The following WWP1 variants were observed in gnomAD, a reference collection of about 807,000 sequenced individuals.
WWP1 encodes the protein WW domain containing E3 ubiquitin protein ligase 1, also known as NEDD4-like E3 ubiquitin-protein ligase WWP1.
Under a neutral mutation model 130.6 loss-of-function variants are expected in WWP1, and 49 were observed. That is an observed-to-expected ratio of 0.38 (90% confidence interval 0.30 to 0.48). WWP1 has a LOEUF of 0.48. Ranked by LOEUF, WWP1 falls within the 20% of genes least tolerant of loss-of-function variation. The pLI, the probability that WWP1 is intolerant of heterozygous loss-of-function variation, is 0.99. For missense variants in WWP1, 809 were observed against 1,100.6 expected, an observed-to-expected ratio of 0.74 and a Z score of 3.75; for synonymous variants, 332 against 367.8, an observed-to-expected ratio of 0.90 and a Z score of 1.11.
chr8:86,467,003 C>T lies in WWP1; in HGVS notation c.*110C>T. ...ATTCTGTACAGTGAATTTTCCGAAC[C>T]TCTCAAAGTATGTTTTCCGTTCTTC... On this transcript the variant is annotated 3_prime_UTR_variant, in exon 25 of 25. Coordinates refer to ENST00000517970, the MANE Select transcript of WWP1 (RefSeq NM_007013.4). 8.2e-6 allele frequency: 6 copies of T among 735,112 alleles called. No homozygotes were observed. Among genetic ancestry groups the T allele is most frequent in the Non-Finnish European group, 1.1e-5 (5 of 446,264 alleles). The allele number at this position is 735,112 out of a possible 1,614,324, so 45.5% of individuals were successfully genotyped here.
chr8:86,357,776 TTTGC>T (rs1823345829), intron 1 of WWP1, among the ~76,000 whole-genome samples: 1 of 152,180 alleles, frequency 6.6e-6, no homozygotes. Flanking sequence ...ATTTCAGAAT[TTTGC>T]TTTGATTTTG....
At chr8:86,382,559 T>C (rs1307204350) in intron 5 of WWP1, among the ~76,000 whole-genome samples, 1 of 152,104 alleles carries the variant, frequency 6.6e-6, no homozygotes, top group African/African-American at 2.4e-5. Flanking sequence ...ATTAGCTGAA[T>C]GTGGTGGCAT....
intron 7 of WWP1, 44 bp downstream of exon 7, chr8:86,398,682 C>CATG: frequency 6.3e-7 from 1 of 1,587,802 alleles, no homozygotes; most frequent in Non-Finnish European, 8.6e-7. Flanking sequence ...TGATGTGGAA[C>CATG]ATATTTCCTG....
chr8:86,455,582 G>A (rs538895847), intron 21 of WWP1, among the ~76,000 whole-genome samples: 90 of 152,036 alleles, frequency 5.9e-4, no homozygotes, highest in Non-Finnish European at 1.0e-3. Flanking sequence ...ATCAAAAAAT[G>A]AGCAAATTTA....
chr8:86,361,128 T>G (rs951833272), intron 1 of WWP1, among the ~76,000 whole-genome samples: 1 of 152,172 alleles, frequency 6.6e-6, no homozygotes, highest in Admixed American at 6.6e-5. Context: ...AGGATCACTG[T>G]GCTGGGTAGA....
chr8:86,392,510 A>G (rs1807406650), intron 5 of WWP1, among the ~76,000 whole-genome samples: 2 of 152,220 alleles, frequency 1.3e-5, no homozygotes, highest in South Asian at 2.1e-4. Flanking sequence ...CAAGGAAAGC[A>G]TTTTGAAATC....
Position 86,342,904 on chromosome 8 carries a change from T to C in WWP1, c.-141T>C. ...GGTGCCGCTGCCGTGGCCGCCCGGCTGCCGGGAGCCGACAGCTTCGCGCCG... is the reference window on the plus strand; with the variant it reads ...GGTGCCGCTGCCGTGGCCGCCCGGCCGCCGGGAGCCGACAGCTTCGCGCCG... On this transcript the variant is annotated 5_prime_UTR_variant, in exon 1 of 25. Transcript: ENST00000517970. 1 of 191,712 alleles carries C rather than the reference T, an allele frequency of 5.2e-6. No homozygotes were observed. Among genetic ancestry groups the C allele is most frequent in the Non-Finnish European group, 1.0e-5 (1 of 99,602 alleles). The allele number at this position is 191,712 out of a possible 1,614,324, so 11.9% of individuals were successfully genotyped here.
chr8:86,435,974 C>T (rs1314958868), intron 16 of WWP1, among the ~76,000 whole-genome samples: 1 of 152,180 alleles, frequency 6.6e-6, no homozygotes, highest in Admixed American at 6.5e-5. Context: ...GCTGGGATTA[C>T]AGGCTTGAGC....
In WWP1 at chr8:86,442,659, A is replaced by G. The variant is rs773370868; in HGVS notation, c.1879A>G (p.Met627Val). 11 of 1,611,022 alleles carry G rather than the reference A, an allele frequency of 6.8e-6. No homozygotes were observed. The highest frequency in any genetic ancestry group is 9.3e-6 in the Non-Finnish European group (11 of 1,179,204). The change falls in exon 18 of 25, where the codon ATG becomes GTG. Residue 627 changes from methionine (M) to valine (V), a missense_variant. Physicochemically the swap from Met to Val is conservative, Grantham distance 21. Around this residue, in one of 3 missense-constraint regions of WWP1, gnomAD observed 450 missense variants for 674.2 expected, o/e 0.67. Coordinates refer to ENST00000517970, the MANE Select transcript of WWP1 (RefSeq NM_007013.4). ...GCTTTCACATGAAGTTTTGAACCCA[A>G]TGTATTGCTTATTTGAGTATGCGGG... ...FLLSHEVLNP[M>V]YCLFEYAGKN...
At chr8:86,376,910 AC>A (rs1484674980) in intron 3 of WWP1, among the ~76,000 whole-genome samples, 6 of 152,178 alleles carry the variant, frequency 3.9e-5, no homozygotes, top group African/African-American at 1.4e-4. Context: ...CCTTAAAATT[AC>A]CAGTCTTACT....
At chr8:86,432,710 C>T (rs548456270) in intron 14 of WWP1, among the ~76,000 whole-genome samples, 3 of 151,978 alleles carry the variant, frequency 2.0e-5, no homozygotes, top group East Asian at 1.9e-4. Context: ...TGGGTTCAAG[C>T]GATTCTCCTG....
At chr8:86,408,216 G>A (rs1808389987) in intron 8 of WWP1, among the ~76,000 whole-genome samples, 1 of 151,950 alleles carries the variant, frequency 6.6e-6, no homozygotes, top group Non-Finnish European at 1.5e-5. Context: ...TGTTTTTTGT[G>A]GCTTGACTTC....
chr8:86,383,807 C>G (rs1240368761), intron 5 of WWP1, among the ~76,000 whole-genome samples: 1 of 152,068 alleles, frequency 6.6e-6, no homozygotes, highest in African/African-American at 2.4e-5. Flanking sequence ...TACGGATATG[C>G]TCAGGAAAAA....
chr8:86,353,219 T>C (rs1437120006), intron 1 of WWP1, among the ~76,000 whole-genome samples: 1 of 147,806 alleles, frequency 6.8e-6, no homozygotes, highest in Admixed American at 6.7e-5. Context: ...AATTTCAAGC[T>C]AATCTCTAAC....
chr8:86,403,833 CAA>C (rs911912283), intron 8 of WWP1, among the ~76,000 whole-genome samples: 5 of 150,998 alleles, frequency 3.3e-5, no homozygotes, highest in African/African-American at 7.3e-5. Flanking sequence ...GGCTAGAAAA[CAA>C]AGAGAAGAAT....
intron 1 of WWP1, among the ~76,000 whole-genome samples, chr8:86,349,639 C>G (rs937687628): frequency 6.6e-6 from 1 of 152,128 alleles, no homozygotes; most frequent in Non-Finnish European, 1.5e-5. Context: ...GACAGCACAT[C>G]TGGCTTACTA....
Position 86,342,582 on chromosome 8 carries a change from CGGCGTAGCGCGCGGTGCCGG to C in WWP1, c.-459_-440del, listed in dbSNP as rs1177272529. Among the ~76,000 whole-genome samples the C allele has an allele frequency of 6.6e-6, 1 of 150,744 alleles. No homozygotes were observed. Among genetic ancestry groups the C allele is most frequent in the Non-Finnish European group, 1.5e-5 (1 of 67,610 alleles). On this transcript the variant is annotated 5_prime_UTR_variant, in exon 1 of 25. Transcript: ENST00000517970. ...CGGAGTTGGAGGCTTTGGGCGGCCGCGGCGTAGCGCGCGGTGCCGGGGCCGGCGGGGAGGCGCGCGCTTAG... is the reference window on the plus strand; with the variant it reads ...CGGAGTTGGAGGCTTTGGGCGGCCGCGGCCGGCGGGGAGGCGCGCGCTTAG...
intron 5 of WWP1, among the ~76,000 whole-genome samples, chr8:86,384,719 G>A (rs1825180045): frequency 6.6e-6 from 1 of 152,134 alleles, no homozygotes; most frequent in African/African-American, 2.4e-5. Flanking sequence ...GAAGTAAACA[G>A]GCTAGGGGTG....
chr8:86,416,671 C>G (rs183614488), intron 9 of WWP1, among the ~76,000 whole-genome samples: 2 of 151,558 alleles, frequency 1.3e-5, no homozygotes, highest in East Asian at 3.9e-4. Context: ...TACCTAAACA[C>G]TAGGTAGAAG....
Sources: gnomAD v4.1 joint callset for allele counts (sites outside exome capture counted in the v4.1 genomes callset) on GRCh38, gnomAD v4.1.1 for gene constraint, gnomAD v4.1.1 regional missense constraint, MANE v1.5 for transcripts, NCBI Gene and HGNC (gene_info 2026-07-23, HGNC 2026-07-21) for gene names.